Variants in NHSL1 observed in about 807,000 individuals in gnomAD.
The protein encoded by NHSL1 is NHS-like protein 1.
A neutral mutation model predicts 95.0 loss-of-function variants in NHSL1; 48 were observed. That is an observed-to-expected ratio of 0.51 (90% CI 0.40 to 0.64). The LOEUF is 0.64. Among genes scored for constraint, NHSL1 ranks in the 30% least tolerant of loss-of-function variants. NHSL1 has a pLI of 0.00. For synonymous variants in NHSL1, 783 were observed against 833.9 expected (o/e 0.94, Z 1.05); for missense variants, 1,971 against 2,077.7 (o/e 0.95, Z 1.00).
intron 1 of NHSL1, among the ~76,000 whole-genome samples, chr6:138,567,377 C>T (rs1783660020): frequency 6.6e-6 from 1 of 152,170 alleles, no homozygotes; most frequent in South Asian, 2.1e-4. Flanking sequence ...GTTATGCCCA[C>T]TTCGGCCTCC....
chr6:138,666,140 T>C (rs1478223232), intron 1 of NHSL1, among the ~76,000 whole-genome samples: 1 of 151,722 alleles, frequency 6.6e-6, no homozygotes. Context: ...CCTATCTCTA[T>C]TAAAAATACA....
chr6:138,531,543 G>C (rs570275918), intron 1 of NHSL1, among the ~76,000 whole-genome samples: 4 of 150,112 alleles, frequency 2.7e-5, no homozygotes, highest in East Asian at 3.9e-4. Context: ...TCCTGAAACA[G>C]GGTCTTGCTC....
intron 3 of NHSL1, among the ~76,000 whole-genome samples, chr6:138,466,714 C>T (rs1057139144): frequency 5.9e-5 from 9 of 152,144 alleles, no homozygotes; most frequent in African/African-American, 1.2e-4. Flanking sequence ...CACAGCACAA[C>T]GCATTACTCT....
chr6:138,541,359 T>A (rs1782574596), intron 1 of NHSL1, among the ~76,000 whole-genome samples: 1 of 152,110 alleles, frequency 6.6e-6, no homozygotes, highest in Non-Finnish European at 1.5e-5. Context: ...AGAGCGAGAC[T>A]CTGTCTCAAA....
chr6:138,655,993 C>G (rs1785151548), intron 1 of NHSL1, among the ~76,000 whole-genome samples: 2 of 152,230 alleles, frequency 1.3e-5, no homozygotes, highest in South Asian at 4.1e-4. Context: ...CAAAAAACCT[C>G]AGTCAGAGAA....
At chr6:138,504,352 G>C (rs1344080747), upstream of NHSL1, among the ~76,000 whole-genome samples, 3 of 152,190 alleles carry the variant, frequency 2.0e-5, no homozygotes, top group Admixed American at 6.5e-5. Context: ...TCACAGTCTA[G>C]TGGAAAAGAC....
At chr6:138,677,988 G>A (rs1785469169) in intron 1 of NHSL1, among the ~76,000 whole-genome samples, 1 of 152,176 alleles carries the variant, frequency 6.6e-6, no homozygotes, top group Non-Finnish European at 1.5e-5. Context: ...AAGCACCACA[G>A]AATTAAAGGT....
At chr6:138,613,076 G>C (rs958304772) in intron 1 of NHSL1, among the ~76,000 whole-genome samples, 3 of 152,124 alleles carry the variant, frequency 2.0e-5, no homozygotes, top group African/African-American at 7.2e-5. Context: ...TTTCTTAATG[G>C]AAAGTTTGCT....
At chr6:138,451,446 T>C (rs1445047047) in intron 3 of NHSL1, among the ~76,000 whole-genome samples, 1 of 152,216 alleles carries the variant, frequency 6.6e-6, no homozygotes, top group Non-Finnish European at 1.5e-5. Context: ...TTAGTACATA[T>C]AACTAGTACA....
chr6:138,544,983 CTTTTT>C (rs35979187), intron 1 of NHSL1, among the ~76,000 whole-genome samples: 1 of 83,394 alleles, frequency 1.2e-5, no homozygotes, highest in Non-Finnish European at 2.3e-5. Context: ...TCTTTCTTTT[CTTTTT>C]TTTTTTTTTT....
chr6:138,619,905 GC>G (rs1784630909), intron 1 of NHSL1, among the ~76,000 whole-genome samples: 1 of 140,632 alleles, frequency 7.1e-6, no homozygotes, highest in South Asian at 2.2e-4. Context: ...CTGAGATCGT[GC>G]CACTGCACTC....
intron 7 of NHSL1, among the ~76,000 whole-genome samples, chr6:138,429,206 GC>G (rs1428705804): frequency 6.6e-6 from 1 of 152,154 alleles, no homozygotes; most frequent in Non-Finnish European, 1.5e-5. Flanking sequence ...CGCTTAAAGG[GC>G]CGTACTCTTT....
chr6:138,558,161 T>C (rs181880833), intron 1 of NHSL1, among the ~76,000 whole-genome samples: 25 of 152,088 alleles, frequency 1.6e-4, no homozygotes, highest in African/African-American at 5.5e-4. Flanking sequence ...CTTGTTCTGT[T>C]GCCCAGGCTG....
At chr6:138,502,911 T>G (rs941431955), upstream of NHSL1, among the ~76,000 whole-genome samples, 1 of 152,206 alleles carries the variant, frequency 6.6e-6, no homozygotes, top group African/African-American at 2.4e-5. Flanking sequence ...AAGAGATAGC[T>G]TAGCAGCCTT....
At chr6:138,502,611 C>G (rs1255833512), upstream of NHSL1, among the ~76,000 whole-genome samples, 1 of 151,640 alleles carries the variant, frequency 6.6e-6, no homozygotes, top group Non-Finnish European at 1.5e-5. Flanking sequence ...TTGCACAGGG[C>G]AAAAAAAGAA....
chr6:138,502,860 A>C (rs1156954724), upstream of NHSL1, among the ~76,000 whole-genome samples: 1 of 152,214 alleles, frequency 6.6e-6, no homozygotes, highest in Non-Finnish European at 1.5e-5. Context: ...CCTGGTATGT[A>C]AACATACGTA....
At chr6:138,542,742 TTTTATTCTAATTTTTA>T (rs1328408418) in intron 1 of NHSL1, among the ~76,000 whole-genome samples, 1 of 152,166 alleles carries the variant, frequency 6.6e-6, no homozygotes, top group Admixed American at 6.5e-5. Flanking sequence ...AGTAAAAACA[TTTTATTCTAATTTTTA>T]TTTATTCTTT....
intron 1 of NHSL1, among the ~76,000 whole-genome samples, chr6:138,631,672 C>A (rs1350334433): frequency 2.0e-5 from 3 of 152,112 alleles, no homozygotes; most frequent in Non-Finnish European, 4.4e-5. Context: ...TCATCACCTG[C>A]TAACTGAAGA....
At chr6:138,596,189 G>A (rs1475307834) in intron 1 of NHSL1, among the ~76,000 whole-genome samples, 2 of 152,112 alleles carry the variant, frequency 1.3e-5, no homozygotes, top group Non-Finnish European at 2.9e-5. Context: ...CCTGGCAATG[G>A]AGTAAACCTA....
Sources: gnomAD v4.1 joint callset for allele counts (sites outside exome capture counted in the v4.1 genomes callset) on GRCh38, gnomAD v4.1.1 for gene constraint, MANE v1.5 for transcripts, NCBI Gene and HGNC (gene_info 2026-07-23, HGNC 2026-07-21) for gene names.